Variants in GRIA1 observed in about 807,000 individuals in gnomAD.
GRIA1 encodes the protein glutamate ionotropic receptor AMPA type subunit 1.
In GRIA1, 31 loss-of-function variants were observed where a neutral mutation model predicts 99.2. The ratio of observed to expected loss-of-function variants is 0.31; its 90% CI spans 0.23 to 0.42. The LOEUF (loss-of-function observed/expected upper bound fraction) is 0.42, where lower values mean the gene tolerates loss of function less well. Ranked by LOEUF, GRIA1 falls within the 10% of genes least tolerant of loss-of-function variation. GRIA1 has a pLI of 1.00. For missense variants in GRIA1, 782 were observed against 1,157.5 expected (o/e 0.68, Z 4.71); for synonymous variants, 438 against 432.4 (o/e 1.01, Z -0.16).
chr5:153,751,109 G>A (rs1426073397), intron 11 of GRIA1, among the ~76,000 whole-genome samples: 4 of 152,158 alleles, frequency 2.6e-5, no homozygotes, highest in Middle Eastern at 3.2e-3. Context: ...AAAAAAAAGA[G>A]AAGGAGAAGT....
At chr5:153,601,128 C>CA (rs1764918903) in intron 2 of GRIA1, among the ~76,000 whole-genome samples, 2 of 152,206 alleles carry the variant, frequency 1.3e-5, no homozygotes, top group African/African-American at 4.8e-5. Flanking sequence ...ACCGACTGAG[C>CA]ACATGCTGGT....
intron 13 of GRIA1, among the ~76,000 whole-genome samples, chr5:153,775,980 A>G (rs1173633516): frequency 1.3e-5 from 2 of 152,030 alleles, no homozygotes. Flanking sequence ...AATAGGTAGG[A>G]GTGATTGGCT....
intron 15 of GRIA1, among the ~76,000 whole-genome samples, chr5:153,805,533 G>A (rs1365612909): frequency 1.3e-5 from 2 of 152,154 alleles, no homozygotes; most frequent in South Asian, 4.1e-4. Context: ...CCATGTTTGT[G>A]CTCATGAACT....
At chr5:153,740,501 A>G (rs1761706235) in intron 11 of GRIA1, among the ~76,000 whole-genome samples, 1 of 152,214 alleles carries the variant, frequency 6.6e-6, no homozygotes, top group Non-Finnish European at 1.5e-5. Flanking sequence ...CCAAGTTCTA[A>G]TCCTGTCACT....
chr5:153,637,108 A>T (rs1394186854), intron 2 of GRIA1, among the ~76,000 whole-genome samples: 1 of 152,248 alleles, frequency 6.6e-6, no homozygotes, highest in Non-Finnish European at 1.5e-5. Context: ...TAGAATTTGG[A>T]ACATAGTAAA....
At chr5:153,656,386 TA>T (rs1561735803) in intron 5 of GRIA1, among the ~76,000 whole-genome samples, 40 of 49,212 alleles carry the variant, frequency 8.1e-4, no homozygotes, top group Middle Eastern at 0.018. Context: ...AGTTTGTTTA[TA>T]TATATATATA....
chr5:153,708,829 G>C (rs1759105069), intron 11 of GRIA1, among the ~76,000 whole-genome samples: 1 of 152,144 alleles, frequency 6.6e-6, no homozygotes, highest in African/African-American at 2.4e-5. Flanking sequence ...ATAGGAACTG[G>C]GAGGAAGGGT....
intron 5 of GRIA1, among the ~76,000 whole-genome samples, chr5:153,664,345 G>A (rs1290807286): frequency 6.6e-6 from 1 of 152,184 alleles, no homozygotes; most frequent in Non-Finnish European, 1.5e-5. Flanking sequence ...TAGCCCTCCT[G>A]AGGTTGCACA....
chr5:153,672,019 T>G (rs1327910848), intron 5 of GRIA1, among the ~76,000 whole-genome samples: 1 of 152,248 alleles, frequency 6.6e-6, no homozygotes, highest in South Asian at 2.1e-4. Context: ...AGGATTCAAG[T>G]ACAAGGGGCT....
intron 2 of GRIA1, among the ~76,000 whole-genome samples, chr5:153,644,090 TATA>T (rs1164663290): frequency 2.0e-5 from 3 of 152,194 alleles, no homozygotes; most frequent in African/African-American, 7.2e-5. Context: ...GAGAGTATAT[TATA>T]ATATTTTAAT....
At chr5:153,500,924 C>G (rs868789115) in intron 2 of GRIA1, among the ~76,000 whole-genome samples, 4 of 152,094 alleles carry the variant, frequency 2.6e-5, no homozygotes, top group Non-Finnish European at 5.9e-5. Flanking sequence ...GAAACATCCC[C>G]TCCCCCAAGC....
chr5:153,541,398 C>T (rs1377916476), intron 2 of GRIA1, among the ~76,000 whole-genome samples: 1 of 152,178 alleles, frequency 6.6e-6, no homozygotes, highest in Non-Finnish European at 1.5e-5. Context: ...TGCCAGGTGA[C>T]ATGCTAGGAG....
At chr5:153,567,499 G>T (rs1378512180) in intron 2 of GRIA1, among the ~76,000 whole-genome samples, 1 of 152,214 alleles carries the variant, frequency 6.6e-6, no homozygotes, top group African/African-American at 2.4e-5. Flanking sequence ...ACAGCTGCCT[G>T]TGTAAGGATA....
chr5:153,708,832 G>A (rs1051606425), intron 11 of GRIA1, among the ~76,000 whole-genome samples: 2 of 152,190 alleles, frequency 1.3e-5, no homozygotes, highest in African/African-American at 4.8e-5. Flanking sequence ...GGAACTGGGA[G>A]GAAGGGTTGG....
chr5:153,634,536 G>A (rs1561712493), intron 2 of GRIA1, among the ~76,000 whole-genome samples: 1 of 152,092 alleles, frequency 6.6e-6, no homozygotes, highest in South Asian at 2.1e-4. Context: ...TGAAGCCCAG[G>A]CAGAGGTGTC....
Position 153,705,768 on chromosome 5 carries a change from A to G in GRIA1, c.1524A>G (p.Pro508=). ...VREEVIDFSK[P]FMSLGISIMI... The stretch of plus-strand genomic sequence containing the variant: ...AAGAAGTTATAGATTTCTCCAAACC[A>G]TTTATGAGTTTGGGGATCTCCATCA... The change falls in exon 11 of 16, where the codon CCA becomes CCG. Residue 508 remains proline (P), a synonymous_variant. Transcript: ENST00000285900. 1 of 1,600,142 alleles carries G rather than the reference A, an allele frequency of 6.2e-7. No individual in the cohort carries two copies. Among genetic ancestry groups the G allele is most frequent in the Admixed American group, 1.7e-5 (1 of 57,544 alleles).
At chr5:153,511,133 G>T (rs1756027664) in intron 2 of GRIA1, among the ~76,000 whole-genome samples, 1 of 152,156 alleles carries the variant, frequency 6.6e-6, no homozygotes, top group Non-Finnish European at 1.5e-5. Context: ...CTGATTGCTT[G>T]GTGAGTGACA....
At chr5:153,631,291 C>T (rs888647652) in intron 2 of GRIA1, among the ~76,000 whole-genome samples, 1 of 152,200 alleles carries the variant, frequency 6.6e-6, no homozygotes, top group Admixed American at 6.5e-5. Context: ...CCCACTCATG[C>T]CCCTGGTGAG....
chr5:153,797,603 A>C (rs1469465413), intron 14 of GRIA1, among the ~76,000 whole-genome samples: 1 of 152,128 alleles, frequency 6.6e-6, no homozygotes, highest in African/African-American at 2.4e-5. Flanking sequence ...TGTTCTGAAA[A>C]ATACCTCCCC....
Sources: gnomAD v4.1 joint callset for allele counts (sites outside exome capture counted in the v4.1 genomes callset) on GRCh38, gnomAD v4.1.1 for gene constraint, MANE v1.5 for transcripts, NCBI Gene and HGNC (gene_info 2026-07-23, HGNC 2026-07-21) for gene names.